ALG1: variants seen among roughly 807,000 people sequenced by gnomAD.
ALG1 encodes chitobiosyldiphosphodolichol beta-mannosyltransferase.
In ALG1, 58 loss-of-function variants were observed where a neutral mutation model predicts 55.1. The observed-to-expected ratio is 1.05, with a 90% confidence interval of 0.85 to 1.31. ALG1 has a LOEUF of 1.31. Among genes scored for constraint, ALG1 ranks in the 50% most tolerant of loss-of-function variants. The pLI, the probability that ALG1 is intolerant of heterozygous loss-of-function variation, is 0.00. For synonymous variants in ALG1, 309 were observed against 247.0 expected (o/e 1.25, Z -2.35); for missense variants, 761 against 598.6 (o/e 1.27, Z -2.83).
intron 9 of ALG1, 79 bp from the exon 10 acceptor site, chr16:5,080,867 G>A: frequency 6.5e-7 from 1 of 1,548,960 alleles, no homozygotes; most frequent in Non-Finnish European, 8.8e-7. Flanking sequence ...ATCCCTCCTA[G>A]GGGGGAGTGT....
chr16:5,077,654 G>A (rs1467298888), intron 5 of ALG1, 120 bp downstream of exon 5: 1 of 1,154,106 alleles, frequency 8.7e-7, no homozygotes, highest in African/African-American at 1.5e-5. Flanking sequence ...CTGAGGGCCT[G>A]GGAGGTGGTC....
intron 9 of ALG1, among the ~76,000 whole-genome samples, chr16:5,080,017 T>C (rs865888256): frequency 9.9e-5 from 15 of 151,906 alleles, no homozygotes; most frequent in Admixed American, 2.6e-4. Context: ...CCAAGCTTTC[T>C]ACTTTTTCAG....
chr16:5,075,834 C>T (rs945979291), intron 4 of ALG1, among the ~76,000 whole-genome samples: 4 of 152,182 alleles, frequency 2.6e-5, no homozygotes, highest in Non-Finnish European at 2.9e-5. Context: ...TGGTGGTTCC[C>T]GGAACTCTCC....
intron 1 of ALG1, chr16:5,072,285 G>C (rs548094776): frequency 1.6e-5 from 23 of 1,439,870 alleles, no homozygotes; most frequent in Non-Finnish European, 1.3e-5. Context: ...CCATTGCGTG[G>C]TCTCACGTAA....
At chr16:5,081,817 C>T (rs1204112404) in intron 10 of ALG1, among the ~76,000 whole-genome samples, 1 of 151,904 alleles carries the variant, frequency 6.6e-6, no homozygotes, top group Non-Finnish European at 1.5e-5. Context: ...CTGCCTTGGC[C>T]TTCCTAAGTG....
At position 5,073,048 on chromosome 16, in the gene ALG1, A is replaced by G. The variant is rs764584654; in HGVS notation, c.286+20A>G. 7 of 1,613,544 alleles carry G rather than the reference A, an allele frequency of 4.3e-6. No homozygotes were observed. In the South Asian group the frequency reaches 7.7e-5, roughly 18 times the overall value. On this transcript the variant is annotated intron_variant, in intron 2 of 12. Transcript: ENST00000262374. ...TTGCAGGTAGGATGCCGTCAACTCC[A>G]GAATCCTCTGAATCCATGGGCTGGG...
At chr16:5,076,848 G>A (rs1247729329) in intron 4 of ALG1, among the ~76,000 whole-genome samples, 3 of 141,922 alleles carry the variant, frequency 2.1e-5, no homozygotes, top group African/African-American at 7.9e-5. Context: ...AGACTGGAGT[G>A]CAATGGCGCC....
Position 5,086,178 on chromosome 16 carries a change from T to C in ALG1, c.*1297T>C, listed in dbSNP as rs1176457638. On this transcript the variant is annotated 3_prime_UTR_variant, in exon 13 of 13. Transcript: ENST00000262374. ...TGGTGAAATCCCATCTCTACAAAAA[T>C]ACAGAAATTAGCCAGGCATGATGGC... 1.3e-5 allele frequency among the ~76,000 whole-genome samples: 2 copies of C among 151,976 alleles called. No homozygotes were observed. Among genetic ancestry groups the C allele is most frequent in the African/African-American group, 2.4e-5 (1 of 41,398 alleles).
intron 3 of ALG1, among the ~76,000 whole-genome samples, chr16:5,074,599 CT>C (rs1567166998): frequency 6.6e-6 from 1 of 152,168 alleles, no homozygotes; most frequent in Non-Finnish European, 1.5e-5. Context: ...GAGCATATGC[CT>C]TTTGTATAAG....
At position 5,072,190 on chromosome 16, in the gene ALG1, C is replaced by CG. The variant is rs34061670; in HGVS notation, c.208+135dup. ...GGGCAGCTCTCCGAGATTAGACGAG[C>CG]GGTTCTGCCCCAGCCTTTCCTGGGT... On this transcript the variant is annotated intron_variant, in intron 1 of 12. Coordinates refer to ENST00000262374, the MANE Select transcript of ALG1 (RefSeq NM_019109.5). 0.98 allele frequency: 1,515,571 copies of CG among 1,538,896 alleles called. 747,176 individuals are homozygous for CG. The highest frequency in any genetic ancestry group is 1 in the East Asian group (40,868 of 40,876).
chr16:5,085,061 G>T lies in ALG1; in HGVS notation c.*180G>T, dbSNP rs1399267026. The stretch of plus-strand genomic sequence containing the variant: ...GACCCGGGAAGCTTTGGTTGGCCTT[G>T]ATTTCTTCTCTGGAGGCTTGGAAAC... On this transcript the variant is annotated 3_prime_UTR_variant, in exon 13 of 13. Transcript: ENST00000262374. 5.2e-6 allele frequency: 6 copies of T among 1,164,026 alleles called. No homozygotes were observed. The South Asian group carries it at 5.7e-5, about 11-fold the overall frequency. 72.1% of individuals were successfully genotyped at this position (1,164,026 alleles called of 1,614,324 possible). A position where few individuals can be genotyped will look rare whatever the true frequency, so the allele number is the denominator to read the frequency against.
At chr16:5,073,863 C>T (rs4274442) in intron 3 of ALG1, among the ~76,000 whole-genome samples, 10,360 of 150,418 alleles carry the variant, frequency 0.069, 420 homozygotes, top group Admixed American at 0.12. Flanking sequence ...TACAGGTGCC[C>T]GCCACCACGC....
At chr16:5,079,864 C>T in intron 9 of ALG1, 57 bp downstream of exon 9, 1 of 1,569,654 alleles carries the variant, frequency 6.4e-7, no homozygotes, top group South Asian at 1.1e-5. Flanking sequence ...GGGGGAGGGG[C>T]ACGCAGCCTT....
rs756561375 is a variant in ALG1, at chr16:5,073,044, C to A, written c.286+16C>A. 1 of 1,613,650 alleles carries A rather than the reference C, an allele frequency of 6.2e-7. No homozygotes were observed. Among genetic ancestry groups the A allele is most frequent in the Non-Finnish European group, 8.5e-7 (1 of 1,179,534 alleles). ...AGTCTTGCAGGTAGGATGCCGTCAA[C>A]TCCAGAATCCTCTGAATCCATGGGC... On this transcript the variant is annotated intron_variant, in intron 2 of 12. Coordinates refer to ENST00000262374, the MANE Select transcript of ALG1 (RefSeq NM_019109.5).
At chr16:5,077,683 G>T in intron 5 of ALG1, 149 bp downstream of exon 5, 1 of 1,022,544 alleles carries the variant, frequency 9.8e-7, no homozygotes. Flanking sequence ...GGGGAAGCTG[G>T]GGGAGGAGGG....
At position 5,073,031 on chromosome 16, in the gene ALG1, A is replaced by G. The variant is rs372592681; in HGVS notation, c.286+3A>G. ...GACAGAACTTCAGAGTCTTGCAGGT[A>G]GGATGCCGTCAACTCCAGAATCCTC... is the stretch of plus-strand genomic sequence containing the variant. On this transcript the variant is annotated splice_donor_region_variant and intron_variant, in intron 2 of 12. Transcript: ENST00000262374. The G allele has an allele frequency of 8.7e-6, 14 of 1,613,980 alleles. No homozygotes were observed. The highest frequency in any genetic ancestry group is 1.7e-5 in the Admixed American group (1 of 60,004).
intron 1 of ALG1, 152 bp downstream of exon 1, chr16:5,072,209 C>G: frequency 6.5e-7 from 1 of 1,533,932 alleles, no homozygotes; most frequent in Non-Finnish European, 8.7e-7. Flanking sequence ...CCCAGCCTTT[C>G]CTGGGTGGGT....
intron 10 of ALG1, 144 bp from the exon 11 acceptor site, chr16:5,082,415 C>G: frequency 1.2e-6 from 1 of 842,578 alleles, no homozygotes; most frequent in East Asian, 2.7e-5. Flanking sequence ...GGCTGCTTGG[C>G]CAGCTTAAGC....
rs1464244892 is a variant in ALG1, at chr16:5,086,287, A to G, written c.*1406A>G. On this transcript the variant is annotated 3_prime_UTR_variant, in exon 13 of 13. Coordinates refer to ENST00000262374, the MANE Select transcript of ALG1 (RefSeq NM_019109.5). ...GAGGTGGAGGTTGCAGTGAGCTGAG[A>G]TTGTGCCACTGCACTCCAGCCTGAG... 1.4e-5 allele frequency among the ~76,000 whole-genome samples: 2 copies of G among 146,442 alleles called. No individual in the cohort carries two copies. The highest frequency in any genetic ancestry group is 2.3e-4 in the South Asian group (1 of 4,268).
Sources: gnomAD v4.1 joint callset for allele counts (sites outside exome capture counted in the v4.1 genomes callset) on GRCh38, gnomAD v4.1.1 for gene constraint, MANE v1.5 for transcripts, NCBI Gene and HGNC (gene_info 2026-07-23, HGNC 2026-07-21) for gene names.